Variants in DAB2IP observed in about 807,000 individuals in gnomAD.
The protein encoded by DAB2IP is disabled homolog 2-interacting protein.
A neutral mutation model predicts 107.2 loss-of-function variants in DAB2IP; 28 were observed. The ratio of observed to expected loss-of-function variants is 0.26; its 90% CI spans 0.19 to 0.36. DAB2IP has a LOEUF of 0.36. DAB2IP is among the 10% of genes least tolerant of loss of function. The probability of loss-of-function intolerance (pLI) is 1.00; values close to 1 mark genes in which losing one functional copy is unlikely to be tolerated. For missense variants in DAB2IP, 1,400 were observed against 1,644.7 expected (o/e 0.85, Z 2.57); for synonymous variants, 755 against 706.4 (o/e 1.07, Z -1.09).
chr9:121,684,015 G>C lies in DAB2IP; in HGVS notation c.228+5234G>C, dbSNP rs1349749232. Reference sequence around the variant, plus strand: ...GATACAAGAACCACAGTGGATGATGGCTGTGAGTGGAGCTAGCAGTAGACC... The same window carrying C: ...GATACAAGAACCACAGTGGATGATGCCTGTGAGTGGAGCTAGCAGTAGACC... On this transcript the variant is annotated intron_variant, in intron 2 of 15. Transcript: ENST00000408936. The surrounding 1 kb of genome is among the most constrained non-coding windows in gnomAD (Gnocchi z 4.0). 6.6e-6 allele frequency among the ~76,000 whole-genome samples: 1 copy of C among 152,104 alleles called. No individual in the cohort carries two copies. The highest frequency in any genetic ancestry group is 1.9e-4 in the East Asian group (1 of 5,196).
chr9:121,681,260 AC>A (rs926514334), intron 2 of DAB2IP, among the ~76,000 whole-genome samples: 2 of 151,072 alleles, frequency 1.3e-5, no homozygotes. Flanking sequence ...ATTGCCCCAC[AC>A]CCCCCCAGAA....
At chr9:121,732,116 T>C (rs1407736342) in intron 3 of DAB2IP, among the ~76,000 whole-genome samples, 1 of 152,112 alleles carries the variant, frequency 6.6e-6, no homozygotes, top group African/African-American at 2.4e-5. Context: ...AGTCACAGGC[T>C]CATAAACTGT....
chr9:121,695,533 G>T (rs548951559), intron 2 of DAB2IP, among the ~76,000 whole-genome samples: 1 of 152,358 alleles, frequency 6.6e-6, no homozygotes, highest in East Asian at 1.9e-4. Flanking sequence ...TCTGAATGAA[G>T]ATTTGAGGCC....
intron 1 of DAB2IP, among the ~76,000 whole-genome samples, chr9:121,580,740 T>C (rs1830176368): frequency 6.6e-6 from 1 of 152,074 alleles, no homozygotes; most frequent in Non-Finnish European, 1.5e-5. Flanking sequence ...TTCTCCTGCC[T>C]CAGCCTCCTG....
At chr9:121,680,306 A>T (rs551984230) in intron 2 of DAB2IP, among the ~76,000 whole-genome samples, 1 of 152,308 alleles carries the variant, frequency 6.6e-6, no homozygotes, top group Non-Finnish European at 1.5e-5. Context: ...AAACTAGCTT[A>T]TTGTCCTTCT....
At chr9:121,744,456 C>T (rs1832580481) in intron 3 of DAB2IP, among the ~76,000 whole-genome samples, 1 of 152,246 alleles carries the variant, frequency 6.6e-6, no homozygotes, top group African/African-American at 2.4e-5. Flanking sequence ...AGTCTCAGTG[C>T]AGGTTGGTCC....
exon 1 of DAB2IP, chr9:121,567,169 G>A (rs768595008): frequency 1.2e-6 from 2 of 1,613,944 alleles, no homozygotes; most frequent in East Asian, 2.2e-5. Context: ...GTGGGGCCAG[G>A]GGCTGGGGGC....
intron 1 of DAB2IP, among the ~76,000 whole-genome samples, chr9:121,616,886 C>G (rs554261513): frequency 6.6e-6 from 1 of 152,306 alleles, no homozygotes; most frequent in East Asian, 1.9e-4. Flanking sequence ...GGTACTGGCT[C>G]CAGACCCTGC....
chr9:121,685,489 G>T (rs1564155576), intron 2 of DAB2IP, among the ~76,000 whole-genome samples: 3 of 152,212 alleles, frequency 2.0e-5, no homozygotes, highest in Non-Finnish European at 2.9e-5. Flanking sequence ...ACAGGAAGGT[G>T]GTTTCATCAG....
At chr9:121,586,609 G>T (rs1467040007) in intron 1 of DAB2IP, among the ~76,000 whole-genome samples, 1 of 152,056 alleles carries the variant, frequency 6.6e-6, no homozygotes, top group Non-Finnish European at 1.5e-5. Flanking sequence ...CTTGAGCCCA[G>T]GAGTTCGAGA....
At chr9:121,709,712 T>G (rs1212416400) in intron 3 of DAB2IP, among the ~76,000 whole-genome samples, 1 of 152,218 alleles carries the variant, frequency 6.6e-6, no homozygotes, top group East Asian at 1.9e-4. Flanking sequence ...CCTGGTCACT[T>G]AAGAAGCACC....
At chr9:121,774,998 G>C (rs1835095327) in intron 13 of DAB2IP, among the ~76,000 whole-genome samples, 2 of 152,186 alleles carry the variant, frequency 1.3e-5, no homozygotes, top group South Asian at 4.1e-4. Context: ...CCCGGGAAAA[G>C]AATCTACTCT....
At chr9:121,752,966 C>T (rs1445555274) in intron 3 of DAB2IP, 2 of 152,240 alleles carry the variant, frequency 1.3e-5, no homozygotes, top group Non-Finnish European at 2.9e-5. Flanking sequence ...TGCTGGGGCA[C>T]ATCTCTTGCC....
intron 3 of DAB2IP, among the ~76,000 whole-genome samples, chr9:121,720,175 G>A (rs1008496844): frequency 6.6e-6 from 1 of 152,182 alleles, no homozygotes; most frequent in Non-Finnish European, 1.5e-5. Flanking sequence ...CTCACCCCGT[G>A]TCTGGGTCCT....
At position 121,719,102 on chromosome 9, in the gene DAB2IP, C is replaced by T. The variant is rs866102465; in HGVS notation, c.362+19644C>T. ...CTCCTTCATAGCTCCTCAGAACCTC[C>T]GGGCAAACCTGGCTATGGTCCCCTT... On this transcript the variant is annotated intron_variant, in intron 3 of 15. Coordinates refer to ENST00000408936, the Ensembl canonical transcript of DAB2IP. 4.6e-5 allele frequency among the ~76,000 whole-genome samples: 7 copies of T among 152,310 alleles called. No homozygotes were observed. In the South Asian group the frequency reaches 1.2e-3, roughly 27 times the overall value.
intron 3 of DAB2IP, among the ~76,000 whole-genome samples, chr9:121,755,958 T>C (rs1589649529): frequency 6.6e-6 from 1 of 152,014 alleles, no homozygotes; most frequent in African/African-American, 2.4e-5. Flanking sequence ...CCAAAGGGCA[T>C]AGGGCGTTGG....
chr9:121,650,489 G>A (rs1349145762), upstream of DAB2IP, among the ~76,000 whole-genome samples: 1 of 152,188 alleles, frequency 6.6e-6, no homozygotes, highest in African/African-American at 2.4e-5. Context: ...TCCCCTAGCC[G>A]GCCTCAGGCA....
Position 121,595,602 on chromosome 9 carries a change from CAAAA to C in DAB2IP, c.40+28384_40+28387del, listed in dbSNP as rs34697198. Among the ~76,000 whole-genome samples the C allele has an allele frequency of 4.1e-3, 552 of 133,324 alleles. 3 individuals carry two copies. The highest frequency in any genetic ancestry group is 0.015 in the African/African-American group (529 of 35,052). The allele number at this position is 133,324 out of a possible 152,430, so 87.5% of individuals were successfully genotyped here. A position where few individuals can be genotyped will look rare whatever the true frequency, so the allele number is the denominator to read the frequency against. On this transcript the variant is annotated intron_variant, in intron 1 of 16. Transcript: ENST00000259371. ...TGGTTGAAAGAGAGAGGTGCTGTCT[CAAAA>C]AAAAAAAAAGAAAAGAAGAAGAAGA... is the stretch of plus-strand genomic sequence containing the variant.
At chr9:121,618,363 G>A (rs1279622796) in intron 1 of DAB2IP, among the ~76,000 whole-genome samples, 1 of 149,392 alleles carries the variant, frequency 6.7e-6, no homozygotes, top group African/African-American at 2.4e-5. Flanking sequence ...TAAATTCAAT[G>A]GATTTTTTTT....
Sources: allele counts gnomAD v4.1 joint callset (sites outside exome capture counted in the v4.1 genomes callset), GRCh38; gene constraint gnomAD v4.1.1; non-coding constraint Gnocchi (gnomAD v3.1); transcripts MANE v1.5; gene names NCBI Gene and HGNC (gene_info 2026-07-23, HGNC 2026-07-21).